DAPK1: variants seen among roughly 807,000 people sequenced by gnomAD.
The protein encoded by DAPK1 is death-associated protein kinase 1.
In DAPK1, 56 loss-of-function variants were observed where a neutral mutation model predicts 144.9. The ratio of observed to expected loss-of-function variants is 0.39; its 90% CI spans 0.31 to 0.48. DAPK1 has a LOEUF of 0.48. Ranked by LOEUF, DAPK1 falls within the 20% of genes least tolerant of loss-of-function variation. The probability of loss-of-function intolerance (pLI) is 0.95; values close to 1 mark genes in which losing one functional copy is unlikely to be tolerated. For synonymous variants in DAPK1, 690 were observed against 749.0 expected (o/e 0.92, Z 1.29); for missense variants, 1,454 against 1,875.4 (o/e 0.78, Z 4.15).
intron 2 of DAPK1, among the ~76,000 whole-genome samples, chr9:87,560,132 A>G (rs1826858285): frequency 1.3e-5 from 2 of 151,074 alleles, no homozygotes; most frequent in African/African-American, 4.9e-5. Context: ...CTGAGATTAC[A>G]GGTGCATGCC....
chr9:87,641,425 ACAT>A (rs1246353745), intron 9 of DAPK1, among the ~76,000 whole-genome samples: 1 of 152,196 alleles, frequency 6.6e-6, no homozygotes, highest in East Asian at 1.9e-4. Context: ...AAAGAAGTGA[ACAT>A]CACAGAATCA....
Position 87,650,115 on chromosome 9 carries a change from C to T in DAPK1, c.1623C>T (p.Asp541=). Residue 541 remains aspartate, a synonymous_variant, in exon 16 of 26, where the codon GAC becomes GAT. Transcript: ENST00000408954. The part of the protein sequence containing the change: ...AEHGADLNAC[D]KDGHIALHLA... ...ATGGAGCCGACCTTAATGCTTGCGA[C>T]AAGGTGCCTTATGGGGGAAGACTCA... 6.2e-7 allele frequency: 1 copy of T among 1,613,982 alleles called. No individual in the cohort carries two copies. Among genetic ancestry groups the T allele is most frequent in the Non-Finnish European group, 8.5e-7 (1 of 1,180,014 alleles).
intron 2 of DAPK1, among the ~76,000 whole-genome samples, chr9:87,563,672 GCACACACCACC>G: frequency 1.3e-5 from 2 of 152,190 alleles, no homozygotes; most frequent in African/African-American, 4.8e-5. Context: ...CCATCAGTCA[GCACACACCACC>G]AGATGTTCAG....
intron 3 of DAPK1, chr9:87,632,102 AT>A: frequency 1.5e-6 from 1 of 659,746 alleles, no homozygotes; most frequent in Non-Finnish European, 1.9e-6. Flanking sequence ...AAATATATAT[AT>A]ATATATGTAT....
chr9:87,652,972 G>A (rs1239335525), intron 17 of DAPK1, among the ~76,000 whole-genome samples: 1 of 135,056 alleles, frequency 7.4e-6, no homozygotes, highest in African/African-American at 2.7e-5. Context: ...CTGATCCCAG[G>A]TCCTGATTCT....
intron 3 of DAPK1, among the ~76,000 whole-genome samples, chr9:87,619,540 C>T (rs1181822717): frequency 6.6e-6 from 1 of 152,148 alleles, no homozygotes; most frequent in Non-Finnish European, 1.5e-5. Context: ...GCACTGCTTC[C>T]CGAAGGCTCT....
At chr9:87,571,436 A>AC (rs1827326508) in intron 2 of DAPK1, among the ~76,000 whole-genome samples, 2 of 13,018 alleles carry the variant, frequency 1.5e-4, no homozygotes, top group African/African-American at 3.2e-4. Flanking sequence ...CCCACCCCCC[A>AC]ACACACACAC....
At chr9:87,536,694 A>T (rs568232532) in intron 2 of DAPK1, among the ~76,000 whole-genome samples, 2 of 152,196 alleles carry the variant, frequency 1.3e-5, no homozygotes, top group South Asian at 2.1e-4. Flanking sequence ...TTTTACTAGG[A>T]TTATCTTGTT....
At chr9:87,671,703 C>G (rs1235996337) in intron 19 of DAPK1, among the ~76,000 whole-genome samples, 1 of 152,142 alleles carries the variant, frequency 6.6e-6, no homozygotes, top group Non-Finnish European at 1.5e-5. Flanking sequence ...GTATTAGCAA[C>G]TATGTCTCAA....
intron 3 of DAPK1, among the ~76,000 whole-genome samples, chr9:87,631,411 C>A (rs1160892169): frequency 1.3e-5 from 2 of 152,136 alleles, no homozygotes; most frequent in Non-Finnish European, 2.9e-5. Context: ...TCGTGGCCAA[C>A]TTTTAGGGAG....
intron 2 of DAPK1, among the ~76,000 whole-genome samples, chr9:87,555,580 T>A (rs1296106013): frequency 6.6e-6 from 1 of 151,820 alleles, no homozygotes; most frequent in Non-Finnish European, 1.5e-5. Context: ...CTCGGCTCAC[T>A]GCAACCTCTG....
At position 87,498,034 on chromosome 9, in the gene DAPK1, G is replaced by A; in HGVS notation, c.-182G>A. On this transcript the variant is annotated 5_prime_UTR_variant, in exon 1 of 26. Transcript: ENST00000408954. Reference sequence around the variant, plus strand: ...TGTGTTCCCGCCGCCGCCCCGGCTAGTCTCCGGCGCTGGCGCCTATGGTCG... The same window carrying A: ...TGTGTTCCCGCCGCCGCCCCGGCTAATCTCCGGCGCTGGCGCCTATGGTCG... 1 of 397,950 alleles carries A rather than the reference G, an allele frequency of 2.5e-6. No individual in the cohort carries two copies. The highest frequency in any genetic ancestry group is 4.4e-6 in the Non-Finnish European group (1 of 225,702). 24.7% of individuals were successfully genotyped at this position (397,950 alleles called of 1,614,324 possible).
At chr9:87,516,059 G>A (rs567771457) in intron 2 of DAPK1, among the ~76,000 whole-genome samples, 2 of 152,080 alleles carry the variant, frequency 1.3e-5, no homozygotes, top group African/African-American at 2.4e-5. Context: ...CCCAGTCAGC[G>A]CATCCCTGCC....
At chr9:87,544,131 G>GAA (rs761868427) in intron 2 of DAPK1, among the ~76,000 whole-genome samples, 45 of 152,244 alleles carry the variant, frequency 3.0e-4, no homozygotes, top group Admixed American at 9.2e-4. Context: ...AGAAAAATGA[G>GAA]AAATCACCCA....
chr9:87,528,284 C>G (rs1233659246), intron 2 of DAPK1, among the ~76,000 whole-genome samples: 2 of 150,094 alleles, frequency 1.3e-5, no homozygotes, highest in Non-Finnish European at 2.9e-5. Flanking sequence ...ATGGTGATGT[C>G]TCAGCTCACT....
intron 2 of DAPK1, among the ~76,000 whole-genome samples, chr9:87,529,849 T>G (rs1463992227): frequency 6.6e-6 from 1 of 152,238 alleles, no homozygotes; most frequent in Non-Finnish European, 1.5e-5. Flanking sequence ...TGTTGTTCTG[T>G]GGTCATCTGC....
chr9:87,612,238 C>T (rs750692264), intron 3 of DAPK1, among the ~76,000 whole-genome samples: 1 of 152,168 alleles, frequency 6.6e-6, no homozygotes, highest in East Asian at 1.9e-4. Context: ...ACATTCAAAC[C>T]GTAGCACCAT....
At chr9:87,606,826 C>T (rs1828746252) in intron 3 of DAPK1, among the ~76,000 whole-genome samples, 1 of 146,356 alleles carries the variant, frequency 6.8e-6, no homozygotes, top group Admixed American at 6.9e-5. Context: ...TCCTTCCTCC[C>T]TTTCTCCCCC....
At chr9:87,626,421 A>AAAAC (rs1193341905) in intron 3 of DAPK1, among the ~76,000 whole-genome samples, 14 of 142,838 alleles carry the variant, frequency 9.8e-5, no homozygotes, top group South Asian at 2.3e-4. Context: ...GTCTCTTTAA[A>AAAAC]AAACAAACAA....
Sources: gnomAD v4.1 joint callset for allele counts (sites outside exome capture counted in the v4.1 genomes callset) on GRCh38, gnomAD v4.1.1 for gene constraint, MANE v1.5 for transcripts, NCBI Gene and HGNC (gene_info 2026-07-23, HGNC 2026-07-21) for gene names.